The following NBAS variants were observed in gnomAD, a reference collection of about 807,000 sequenced individuals.
NBAS encodes the protein NAG/BC035112 fusion.
In NBAS, 219 loss-of-function variants were observed where a neutral mutation model predicts 302.5. The observed-to-expected ratio is 0.72, with a 90% CI of 0.65 to 0.81. The LOEUF (loss-of-function observed/expected upper bound fraction) is 0.81, where lower values mean the gene tolerates loss of function less well. Among genes scored for constraint, NBAS ranks in the 30% least tolerant of loss-of-function variants. NBAS has a pLI of 0.00. For missense variants in NBAS, 2,932 were observed against 2,841.6 expected (o/e 1.03, Z -0.72); for synonymous variants, 1,118 against 1,021.6 (o/e 1.09, Z -1.80).
the NBAS span, among the ~76,000 whole-genome samples, chr2:14,827,646 G>A: frequency 6.6e-6 from 1 of 152,180 alleles, no homozygotes; most frequent in Non-Finnish European, 1.5e-5. Flanking sequence ...TGTCATATGA[G>A]ACAACATAGA....
At chr2:14,814,323 C>G in the NBAS span, among the ~76,000 whole-genome samples, 1 of 152,200 alleles carries the variant, frequency 6.6e-6, no homozygotes, top group Admixed American at 6.5e-5. Flanking sequence ...CCTAGAAAAG[C>G]CACAGGCACT....
At chr2:14,845,757 C>A in the NBAS span, among the ~76,000 whole-genome samples, 3 of 152,116 alleles carry the variant, frequency 2.0e-5, no homozygotes, top group East Asian at 3.9e-4. Flanking sequence ...TTAGAACATA[C>A]AATTCACAGG....
At chr2:15,234,838 C>T in intron 45 of NBAS, 91 bp from the exon 46 acceptor site, 1 of 1,308,074 alleles carries the variant, frequency 7.6e-7, no homozygotes, top group Non-Finnish European at 1.1e-6. Context: ...ATCCTCGAAC[C>T]AAATACATGA....
In NBAS at chr2:15,287,124, G is replaced by T. The variant is rs764402656; in HGVS notation, c.5087C>A (p.Ser1696Tyr). The change falls in exon 42 of 52, where the codon TCC becomes TAC. Residue 1696 changes from serine (S) to tyrosine (Y), a missense_variant. Ser to Tyr is a moderately radical substitution (Grantham distance 144, BLOSUM62 -2). Coordinates refer to ENST00000281513, the MANE Select transcript of NBAS (RefSeq NM_015909.4). ...ATGGGTCATAAAAACTTCCCAGCGG[G>T]AGACACTGTAACGTTGTGCCAGAGA... ...AISLAQRYSV[S>Y]RWEVFMTHLE... is the part of the protein sequence containing the mutation. 3.7e-6 allele frequency: 6 copies of T among 1,614,038 alleles called. No individual in the cohort carries two copies. In the South Asian group the frequency reaches 5.5e-5, roughly 15 times the overall value.
intron 28 of NBAS, among the ~76,000 whole-genome samples, chr2:15,387,882 G>A (rs1379115916): frequency 1.3e-5 from 2 of 152,184 alleles, no homozygotes; most frequent in African/African-American, 4.8e-5. Context: ...CGGTCTGCCC[G>A]CCTCCGCCTC....
chr2:15,395,414 C>T (rs192884279), intron 27 of NBAS, among the ~76,000 whole-genome samples: 1 of 151,966 alleles, frequency 6.6e-6, no homozygotes, highest in Non-Finnish European at 1.5e-5. Flanking sequence ...CACAAGCCAA[C>T]CTATAATAGG....
At position 15,381,465 on chromosome 2, in the gene NBAS, A is replaced by G. The variant is rs562597159; in HGVS notation, c.3361-1634T>C. Among the ~76,000 whole-genome samples, 68 of 152,322 alleles carry G rather than the reference A, an allele frequency of 4.5e-4. 1 individual carries two copies. In the South Asian group the frequency reaches 6.4e-3, roughly 14 times the overall value. On this transcript the variant is annotated intron_variant, in intron 29 of 51. Transcript: ENST00000281513. ...CGTGGACAGAAGTCATTAAAATATC[A>G]AAGCCTAATAAAAACGTGTTAAAAT... is the stretch of plus-strand genomic sequence containing the variant.
chr2:15,427,293 G>A (rs184007606), intron 22 of NBAS, among the ~76,000 whole-genome samples: 5 of 151,994 alleles, frequency 3.3e-5, no homozygotes, highest in Non-Finnish European at 2.9e-5. Context: ...GCCCCACACC[G>A]ACTCTCCCAC....
the NBAS span, among the ~76,000 whole-genome samples, chr2:14,825,733 A>T: frequency 6.6e-6 from 1 of 152,308 alleles, no homozygotes; most frequent in Non-Finnish European, 1.5e-5. Context: ...AATTTGTTAA[A>T]TTGGGGGAAA....
chr2:15,062,380 T>C, the NBAS span, among the ~76,000 whole-genome samples: 2 of 152,182 alleles, frequency 1.3e-5, no homozygotes, highest in Non-Finnish European at 2.9e-5. Context: ...GAGCTGCCAA[T>C]TGGGCTATTT....
the NBAS span, among the ~76,000 whole-genome samples, chr2:15,044,223 A>C: frequency 2.0e-5 from 3 of 152,208 alleles, no homozygotes; most frequent in Admixed American, 1.3e-4. Context: ...GCATTCTGTA[A>C]GACTACCTGC....
the NBAS span, among the ~76,000 whole-genome samples, chr2:15,033,889 A>C: frequency 6.6e-6 from 1 of 151,726 alleles, no homozygotes. Flanking sequence ...CAGAGTTTGC[A>C]GTAAACTGAG....
At chr2:15,117,041 C>A in the NBAS span, among the ~76,000 whole-genome samples, 1 of 152,252 alleles carries the variant, frequency 6.6e-6, no homozygotes, top group East Asian at 1.9e-4. Flanking sequence ...CAATGCAATG[C>A]TTCACAAATT....
At chr2:14,813,251 T>C in the NBAS span, among the ~76,000 whole-genome samples, 3 of 152,120 alleles carry the variant, frequency 2.0e-5, no homozygotes. Context: ...AACTGGGTAA[T>C]GGGCAGAGGT....
chr2:15,293,078 A>G (rs1323254873), intron 40 of NBAS, among the ~76,000 whole-genome samples: 1 of 152,048 alleles, frequency 6.6e-6, no homozygotes, highest in Non-Finnish European at 1.5e-5. Flanking sequence ...ACTATTATAA[A>G]CCTCCATCAG....
chr2:14,833,521 C>T, the NBAS span, among the ~76,000 whole-genome samples: 13 of 151,942 alleles, frequency 8.6e-5, no homozygotes, highest in Admixed American at 4.6e-4. Flanking sequence ...CTGGTACATA[C>T]GTGATCAATA....
chr2:14,940,764 A>G, the NBAS span, among the ~76,000 whole-genome samples: 1 of 152,226 alleles, frequency 6.6e-6, no homozygotes. Flanking sequence ...TATGGTGCCC[A>G]GAATTCAACA....
chr2:15,238,614 T>C lies in NBAS; in HGVS notation c.5797A>G (p.Arg1933Gly). ...KTVKHFIEKP[R>G]KRNSEDEAQE... Reference sequence around the variant, plus strand: ...GCTTCGTCTTCTGAGTTTCTTTTCCTTGGCTTCTCAATAAAATGTTTGACT... The same window carrying C: ...GCTTCGTCTTCTGAGTTTCTTTTCCCTGGCTTCTCAATAAAATGTTTGACT... Residue 1933 changes from arginine (R) to glycine (G), a missense_variant, in exon 45 of 52, where the codon AGG becomes GGG. Coordinates refer to ENST00000281513, the MANE Select transcript of NBAS (RefSeq NM_015909.4). The C allele has an allele frequency of 6.2e-7, 1 of 1,613,600 alleles. No individual in the cohort carries two copies. The highest frequency in any genetic ancestry group is 8.5e-7 in the Non-Finnish European group (1 of 1,179,912).
the NBAS span, among the ~76,000 whole-genome samples, chr2:14,874,163 T>C: frequency 6.6e-6 from 1 of 152,144 alleles, no homozygotes; most frequent in Non-Finnish European, 1.5e-5. Flanking sequence ...GAATATGTAA[T>C]TTGTGCTTAA....
Sources: allele counts gnomAD v4.1 joint callset (sites outside exome capture counted in the v4.1 genomes callset), GRCh38; gene constraint gnomAD v4.1.1; transcripts MANE v1.5; gene names NCBI Gene and HGNC (gene_info 2026-07-23, HGNC 2026-07-21).